The following SNRNP40 variants were observed in gnomAD, a reference collection of about 807,000 sequenced individuals.
SNRNP40 encodes U5 small nuclear ribonucleoprotein 40 kDa protein.
SNRNP40 carries 21 observed loss-of-function variants against 45.8 expected under a neutral mutation model. The ratio of observed to expected loss-of-function variants is 0.46; its 90% CI spans 0.32 to 0.66. The LOEUF is 0.66. Among genes scored for constraint, SNRNP40 ranks in the 30% least tolerant of loss-of-function variants. The pLI is 0.03. For synonymous variants in SNRNP40, 142 were observed against 163.8 expected, an observed-to-expected ratio of 0.87 and a Z score of 1.01; for missense variants, 344 against 439.1, an observed-to-expected ratio of 0.78 and a Z score of 1.94.
intron 4 of SNRNP40, among the ~76,000 whole-genome samples, chr1:31,283,458 C>T (rs748551787): frequency 6.6e-6 from 1 of 152,194 alleles, no homozygotes; most frequent in Non-Finnish European, 1.5e-5. Context: ...CAAAAATTAG[C>T]TGGTCATGGT....
chr1:31,278,479 A>C (rs922419521), intron 5 of SNRNP40, among the ~76,000 whole-genome samples: 1 of 152,254 alleles, frequency 6.6e-6, no homozygotes, highest in African/African-American at 2.4e-5. Flanking sequence ...TGTCTTGAAA[A>C]GTATAAAAGT....
In SNRNP40 at chr1:31,271,468, T is replaced by C. The variant is rs778069493; in HGVS notation, c.686A>G (p.Tyr229Cys). 1.2e-6 allele frequency: 2 copies of C among 1,613,716 alleles called. No homozygotes were observed. Among genetic ancestry groups the C allele is most frequent in the South Asian group, 2.2e-5 (2 of 91,036 alleles). The change falls in exon 6 of 10, where the codon TAC (tyrosine) becomes TGC (cysteine). Residue 229 changes from tyrosine to cysteine, a missense_variant. Tyr to Cys is a radical substitution (Grantham distance 194). Transcript: ENST00000263694. ...VWDLRQNKLTYTMRGHADSVT... is the reference protein window; with the variant it reads ...VWDLRQNKLTCTMRGHADSVT... The stretch of plus-strand genomic sequence containing the variant: ...TGAATCTGCATGGCCTCTCATGGTG[T>C]AGGTTAGCTTGTTCTGGCGCAGGTC...
chr1:31,287,664 C>T (rs1646069192), intron 4 of SNRNP40, among the ~76,000 whole-genome samples: 1 of 152,172 alleles, frequency 6.6e-6, no homozygotes, highest in Non-Finnish European at 1.5e-5. Context: ...ATCCAACCAT[C>T]AAGGGGCCCC....
At chr1:31,262,562 C>T (rs1343684502) in intron 8 of SNRNP40, among the ~76,000 whole-genome samples, 1 of 139,504 alleles carries the variant, frequency 7.2e-6, no homozygotes, top group African/African-American at 2.6e-5. Flanking sequence ...AAAAAGAAAT[C>T]AGCTTCTCTA....
chr1:31,267,674 T>C (rs1164989352), intron 8 of SNRNP40, among the ~76,000 whole-genome samples, 197 bp downstream of exon 8: 1 of 152,200 alleles, frequency 6.6e-6, no homozygotes, highest in Admixed American at 6.5e-5. Context: ...TAGCTGGGAT[T>C]ACAGGCATGT....
At chr1:31,294,475 T>C (rs555313688) in intron 1 of SNRNP40, among the ~76,000 whole-genome samples, 1 of 151,786 alleles carries the variant, frequency 6.6e-6, no homozygotes, top group Non-Finnish European at 1.5e-5. Flanking sequence ...TATTTATTTT[T>C]TGGGGAAGGA....
intron 8 of SNRNP40, among the ~76,000 whole-genome samples, chr1:31,266,958 G>T (rs949630393): frequency 2.0e-5 from 3 of 152,182 alleles, no homozygotes; most frequent in Non-Finnish European, 2.9e-5. Flanking sequence ...CTGTCTGATT[G>T]TAAGATGTAA....
Position 31,259,608 on chromosome 1 carries a change from C to A in SNRNP40, c.*464G>T. 1 of 375,754 alleles carries A rather than the reference C, an allele frequency of 2.7e-6. No individual in the cohort carries two copies. Among genetic ancestry groups the A allele is most frequent in the South Asian group, 2.1e-5 (1 of 47,904 alleles). 23.3% of individuals were successfully genotyped at this position (375,754 alleles called of 1,614,324 possible). On this transcript the variant is annotated 3_prime_UTR_variant, in exon 10 of 10. Transcript: ENST00000263694. ...AATTGTATTCTGTGGCCACATCATG[C>A]TCTATTCTGATTTATAGCAATCAAG...
chr1:31,277,153 C>T (rs1645981215), intron 5 of SNRNP40, among the ~76,000 whole-genome samples: 2 of 152,178 alleles, frequency 1.3e-5, no homozygotes, highest in Non-Finnish European at 2.9e-5. Context: ...GCCATGATTG[C>T]ACCACTGCAC....
rs1312421794 is a variant in SNRNP40, at chr1:31,269,254, C to T, written c.776-14G>A. ...CCCAGACACGAACTGCAAAACAAAT[C>T]CAAATAAACAAACCAACCAAAACAA... On this transcript the variant is annotated splice_polypyrimidine_tract_variant and intron_variant, in intron 6 of 9. Transcript: ENST00000263694. The T allele has an allele frequency of 2.5e-6, 4 of 1,612,666 alleles. No individual in the cohort carries two copies. In the South Asian group the frequency reaches 3.3e-5, roughly 13 times the overall value.
chr1:31,286,865 C>T (rs1376204044), intron 4 of SNRNP40, among the ~76,000 whole-genome samples: 1 of 152,206 alleles, frequency 6.6e-6, no homozygotes, highest in East Asian at 1.9e-4. Flanking sequence ...CTAACTAGAG[C>T]ACCTTCCCTG....
rs200957384 is a variant in SNRNP40, at chr1:31,291,869, G to T, written c.365+44C>A. On this transcript the variant is annotated intron_variant, in intron 3 of 9. Coordinates refer to ENST00000263694, the MANE Select transcript of SNRNP40 (RefSeq NM_004814.3). Reference sequence around the variant, plus strand: ...AGGATGAAAGGTGAAAGGACGCCAAGAATTAGTATGAGAAGCTGTCCTTCC... The same window carrying T: ...AGGATGAAAGGTGAAAGGACGCCAATAATTAGTATGAGAAGCTGTCCTTCC... 6.5e-5 allele frequency: 88 copies of T among 1,355,856 alleles called. 1 individual carries two copies. The African/African-American group carries it at 1.2e-3, about 18-fold the overall frequency. 84.0% of individuals were successfully genotyped at this position (1,355,856 alleles called of 1,614,324 possible).
intron 5 of SNRNP40, among the ~76,000 whole-genome samples, chr1:31,274,546 T>C (rs6425730): frequency 0.78 from 117,995 of 151,308 alleles, 46,382 homozygotes; most frequent in African/African-American, 0.82. Context: ...TGGCCTGGCC[T>C]ATATATTTAA....
chr1:31,267,975 C>A (rs768793687), intron 7 of SNRNP40, 43 bp from the exon 8 acceptor site: 3 of 1,406,516 alleles, frequency 2.1e-6, no homozygotes, highest in Non-Finnish European at 3.0e-6. Flanking sequence ...ATACCAAACT[C>A]CTCTTTGCAA....
At chr1:31,280,085 G>A (rs1338362212) in intron 5 of SNRNP40, among the ~76,000 whole-genome samples, 1 of 116,548 alleles carries the variant, frequency 8.6e-6, no homozygotes, top group Non-Finnish European at 1.7e-5. Context: ...CTGCACTCCA[G>A]CCTGGGCTAC....
At chr1:31,266,263 C>T (rs1219445458) in intron 8 of SNRNP40, among the ~76,000 whole-genome samples, 1 of 152,154 alleles carries the variant, frequency 6.6e-6, no homozygotes, top group South Asian at 2.1e-4. Context: ...CTGGAATATG[C>T]TGAAAGCCCT....
intron 8 of SNRNP40, 78 bp downstream of exon 8, chr1:31,267,793 A>G (rs12074417): frequency 0.047 from 52,276 of 1,120,446 alleles, 3,271 homozygotes; most frequent in South Asian, 0.2. Flanking sequence ...CGGCCTCCCA[A>G]AGTGCTGGGA....
intron 3 of SNRNP40, among the ~76,000 whole-genome samples, chr1:31,290,452 A>G (rs1230288547): frequency 6.6e-6 from 1 of 152,232 alleles, no homozygotes; most frequent in African/African-American, 2.4e-5. Context: ...TAACAATGTA[A>G]TTACTTTTGT....
intron 7 of SNRNP40, among the ~76,000 whole-genome samples, chr1:31,268,674 A>C (rs1396707409): frequency 5.9e-5 from 9 of 152,188 alleles, no homozygotes; most frequent in Non-Finnish European, 1.5e-5. Context: ...CTTTCAATAG[A>C]GCTGACCTTG....
Sources: allele counts gnomAD v4.1 joint callset (sites outside exome capture counted in the v4.1 genomes callset), GRCh38; gene constraint gnomAD v4.1.1; transcripts MANE v1.5; gene names NCBI Gene and HGNC (gene_info 2026-07-23, HGNC 2026-07-21).